RAPGEF1: variants seen among roughly 807,000 people sequenced by gnomAD.
RAPGEF1 encodes CRK SH3-binding GNRP.
RAPGEF1 carries 33 observed loss-of-function variants against 143.3 expected under a neutral mutation model. The ratio of observed to expected loss-of-function variants is 0.23; its 90% CI spans 0.17 to 0.31. The LOEUF is 0.31. RAPGEF1 is among the 10% of genes least tolerant of loss of function. The pLI, the probability that RAPGEF1 is intolerant of heterozygous loss-of-function variation, is 1.00. For missense variants in RAPGEF1, 1,199 were observed against 1,645.4 expected (o/e 0.73, Z 4.69); for synonymous variants, 629 against 676.5 (o/e 0.93, Z 1.09).
chr9:131,702,900 GA>G (rs779704265), intron 1 of RAPGEF1, among the ~76,000 whole-genome samples: 49 of 151,894 alleles, frequency 3.2e-4, no homozygotes, highest in South Asian at 6.2e-4. Context: ...AAAATTAAAA[GA>G]AAAAAAAGCA....
intron 1 of RAPGEF1, among the ~76,000 whole-genome samples, chr9:131,653,587 TA>T (rs2133494544): frequency 6.6e-6 from 1 of 152,340 alleles, no homozygotes; most frequent in Non-Finnish European, 1.5e-5. Context: ...TAAGGAAATG[TA>T]ACGCTTCACG....
At chr9:131,698,573 AC>A (rs1376526227) in intron 1 of RAPGEF1, among the ~76,000 whole-genome samples, 1 of 151,994 alleles carries the variant, frequency 6.6e-6, no homozygotes, top group Non-Finnish European at 1.5e-5. Context: ...ATGACTTTGC[AC>A]TCTCCTGTTA....
intron 20 of RAPGEF1, among the ~76,000 whole-genome samples, chr9:131,588,430 A>G (rs902494195): frequency 2.0e-5 from 3 of 152,212 alleles, no homozygotes; most frequent in Non-Finnish European, 4.4e-5. Flanking sequence ...CTCAACAGAC[A>G]TGTATAGGTG....
chr9:131,580,463 AGGCGCTAG>A, intron 25 of RAPGEF1, 72 bp from the exon 26 acceptor site: 1 of 1,531,038 alleles, frequency 6.5e-7, no homozygotes, highest in Non-Finnish European at 8.9e-7. Context: ...GACATGTGTC[AGGCGCTAG>A]GACTCGCAGT....
At chr9:131,685,010 C>T (rs1006927184) in intron 1 of RAPGEF1, among the ~76,000 whole-genome samples, 14 of 152,156 alleles carry the variant, frequency 9.2e-5, no homozygotes, top group Admixed American at 2.6e-4. Context: ...CAACCAGTCA[C>T]AACAAGTAAT....
At chr9:131,643,486 A>G in intron 3 of RAPGEF1, 69 bp from the exon 4 acceptor site, 1 of 1,436,392 alleles carries the variant, frequency 7.0e-7, no homozygotes, top group Non-Finnish European at 9.3e-7. Context: ...AAAATAAAGG[A>G]ACATTTTCTT....
At chr9:131,586,542 AC>A (rs1339448156) in intron 22 of RAPGEF1, among the ~76,000 whole-genome samples, 1 of 88,996 alleles carries the variant, frequency 1.1e-5, no homozygotes. Context: ...ACACACACAC[AC>A]ACCTGCAGAG....
At chr9:131,696,960 A>G (rs922941466) in intron 1 of RAPGEF1, among the ~76,000 whole-genome samples, 4 of 152,246 alleles carry the variant, frequency 2.6e-5, no homozygotes, top group Non-Finnish European at 5.9e-5. Flanking sequence ...ATGCTAAGGC[A>G]GGTGTAATTA....
intron 1 of RAPGEF1, among the ~76,000 whole-genome samples, chr9:131,678,834 C>T (rs1247312043): frequency 2.0e-5 from 3 of 152,206 alleles, no homozygotes; most frequent in African/African-American, 7.2e-5. Flanking sequence ...CAGCCCTCTT[C>T]CTCCTCAGAG....
At chr9:131,652,899 A>T (rs1021867437) in intron 1 of RAPGEF1, among the ~76,000 whole-genome samples, 5 of 152,220 alleles carry the variant, frequency 3.3e-5, no homozygotes, top group Non-Finnish European at 7.3e-5. Flanking sequence ...TTACACCAGC[A>T]TCACCACAAA....
At chr9:131,687,866 T>C (rs1833481844) in intron 1 of RAPGEF1, among the ~76,000 whole-genome samples, 1 of 152,252 alleles carries the variant, frequency 6.6e-6, no homozygotes, top group Non-Finnish European at 1.5e-5. Context: ...ATCTTGATAC[T>C]CCACCATCAC....
rs1310376091 is a variant in RAPGEF1 at position 131,618,911 on chromosome 9, T to C, written c.2061+140A>G. The C allele has an allele frequency of 1.0e-5, 7 of 673,968 alleles. No homozygotes were observed. In the Admixed American group the frequency reaches 1.5e-4, roughly 15 times the overall value. The allele number at this position is 673,968 out of a possible 1,614,324, so 41.7% of individuals were successfully genotyped here. A position where few individuals can be genotyped will look rare whatever the true frequency, so the allele number is the denominator to read the frequency against. ...AAGGCCCCAGAGAACCAACCATTCA[T>C]AGCCTTCCCATCTAGGTGTAGGGAC... On this transcript the variant is annotated intron_variant, in intron 12 of 26. Coordinates refer to ENST00000683357, the MANE Select transcript of RAPGEF1 (RefSeq NM_001377935.1).
intron 17 of RAPGEF1, among the ~76,000 whole-genome samples, chr9:131,594,868 G>A (rs1312613273): frequency 6.6e-6 from 1 of 152,222 alleles, no homozygotes; most frequent in East Asian, 1.9e-4. Context: ...TCACCCTTTG[G>A]AGCCGAGGTC....
At chr9:131,631,116 G>C (rs1465079554) in intron 5 of RAPGEF1, among the ~76,000 whole-genome samples, 5 of 152,106 alleles carry the variant, frequency 3.3e-5, no homozygotes, top group African/African-American at 1.2e-4. Flanking sequence ...ACTTTTGCCT[G>C]TCCTAGAACT....
rs556623122 is a variant in RAPGEF1, at chr9:131,726,075, T to G, written c.61+13695A>C. 3.3e-5 allele frequency among the ~76,000 whole-genome samples: 5 copies of G among 152,194 alleles called. No homozygotes were observed. In the East Asian group the frequency reaches 7.7e-4, roughly 24 times the overall value. On this transcript the variant is annotated intron_variant, in intron 1 of 26. Transcript: ENST00000683357. ...CACCCGGCCAAAATTGGGTTGTTTT[T>G]TGTTGGTCCTGTGCCATCTTTGTCT...
At chr9:131,671,361 T>C (rs1000230003) in intron 1 of RAPGEF1, among the ~76,000 whole-genome samples, 17 of 152,114 alleles carry the variant, frequency 1.1e-4, no homozygotes, top group Admixed American at 1.1e-3. Flanking sequence ...AAAGCAGAGA[T>C]CGGTCTTTTC....
chr9:131,600,144 A>T (rs139013638), intron 15 of RAPGEF1, among the ~76,000 whole-genome samples: 19 of 152,258 alleles, frequency 1.2e-4, no homozygotes, highest in African/African-American at 4.6e-4. Flanking sequence ...TGCCTTCAGT[A>T]AAAGAATATG....
chr9:131,654,379 T>A (rs1461481009), intron 1 of RAPGEF1, among the ~76,000 whole-genome samples: 1 of 152,012 alleles, frequency 6.6e-6, no homozygotes, highest in Non-Finnish European at 1.5e-5. Context: ...TCTGAAAACA[T>A]CTTATTAATC....
At chr9:131,651,851 T>A (rs1971157259) in intron 1 of RAPGEF1, among the ~76,000 whole-genome samples, 1 of 152,236 alleles carries the variant, frequency 6.6e-6, no homozygotes. Context: ...GATAGCCTAC[T>A]ACACACCTAG....
Sources: allele counts gnomAD v4.1 joint callset (sites outside exome capture counted in the v4.1 genomes callset), GRCh38; gene constraint gnomAD v4.1.1; transcripts MANE v1.5; gene names NCBI Gene and HGNC (gene_info 2026-07-23, HGNC 2026-07-21).